FAM83F: variants seen among roughly 807,000 people sequenced by gnomAD.
FAM83F encodes scaffolding CK1 anchoring protein F.
A neutral mutation model predicts 42.9 loss-of-function variants in FAM83F; 45 were observed. The ratio of observed to expected loss-of-function variants is 1.05; its 90% confidence interval spans 0.83 to 1.35. The LOEUF (loss-of-function observed/expected upper bound fraction) is 1.35. Ranked by LOEUF, FAM83F falls within the 40% of genes most tolerant of loss-of-function variation. FAM83F has a pLI of 0.00. For synonymous variants in FAM83F, 306 were observed against 298.3 expected (o/e 1.03, Z -0.27); for missense variants, 617 against 695.9 (o/e 0.89, Z 1.28).
intron 4 of FAM83F, among the ~76,000 whole-genome samples, chr22:40,025,822 T>A (rs1371026459): frequency 6.6e-5 from 10 of 152,126 alleles, no homozygotes; most frequent in Non-Finnish European, 2.9e-5. Context: ...CCAGTGTAGC[T>A]CCCCAGTGCA....
At chr22:40,020,043 G>T in intron 3 of FAM83F, 35 bp downstream of exon 3, 2 of 1,578,742 alleles carry the variant, frequency 1.3e-6, no homozygotes, top group Middle Eastern at 1.7e-4. Flanking sequence ...GGCCCAGGAG[G>T]CCTTGATTCC....
At position 40,021,797 on chromosome 22, in the gene FAM83F, G is replaced by C. The variant is rs777122849; in HGVS notation, c.1287G>C (p.Arg429=). The C allele has an allele frequency of 1.2e-6, 2 of 1,612,654 alleles. No individual in the cohort carries two copies. Among genetic ancestry groups the C allele is most frequent in the East Asian group, 2.2e-5 (1 of 44,850 alleles). The change falls in exon 4 of 5, where the codon CGG becomes CGC. Residue 429 remains arginine (R), a synonymous_variant. Coordinates refer to ENST00000333407, the MANE Select transcript of FAM83F (RefSeq NM_138435.4). The surrounding 1 kb of genome is among the most constrained non-coding windows in gnomAD (Gnocchi z 8.7). ...PSRNGMGEAA[R]GEAAPARRFS... Reference sequence around the variant, plus strand: ...GAAACGGCATGGGAGAAGCGGCCCGGGGGGAGGCCGCCCCCGCCAGGCGCT... The same window carrying C: ...GAAACGGCATGGGAGAAGCGGCCCGCGGGGAGGCCGCCCCCGCCAGGCGCT...
At chr22:40,011,353 T>G (rs1344045183) in intron 1 of FAM83F, among the ~76,000 whole-genome samples, 1 of 151,978 alleles carries the variant, frequency 6.6e-6, no homozygotes. Flanking sequence ...CCCGGCTAAT[T>G]TTTGTATTTT....
At chr22:40,026,041 T>G (rs2067550417) in intron 4 of FAM83F, among the ~76,000 whole-genome samples, 1 of 152,192 alleles carries the variant, frequency 6.6e-6, no homozygotes, top group Non-Finnish European at 1.5e-5. Flanking sequence ...ACTGGCGTCC[T>G]CCTCGCTGCC....
rs902856112 is a variant in FAM83F, at chr22:40,021,677, G to T, written c.1167G>T (p.Glu389Asp). ...VTVEQVLPPV[E>D]PIPLGELSQK... is the part of the protein sequence containing the mutation. ...TGGAGCAGGTGCTGCCCCCCGTGGA[G>T]CCCATCCCCTTGGGAGAGCTGAGCC... Residue 389 changes from glutamate to aspartate, a missense_variant, in exon 4 of 5, where the codon GAG becomes GAT. Transcript: ENST00000333407. The surrounding 1 kb of genome is among the most constrained non-coding windows in gnomAD (Gnocchi z 8.7). 6.2e-7 allele frequency: 1 copy of T among 1,611,970 alleles called. No homozygotes were observed.
intron 1 of FAM83F, among the ~76,000 whole-genome samples, chr22:40,008,068 T>C (rs764334160): frequency 6.6e-6 from 1 of 152,220 alleles, no homozygotes; most frequent in Non-Finnish European, 1.5e-5. Context: ...CCGGTATGGC[T>C]GGGTGAACGG....
At chr22:40,026,269 C>T (rs2067551917) in intron 4 of FAM83F, among the ~76,000 whole-genome samples, 1 of 152,120 alleles carries the variant, frequency 6.6e-6, no homozygotes, top group Non-Finnish European at 1.5e-5. Flanking sequence ...GCCTGTAATC[C>T]CAGCACTTTT....
At chr22:40,005,112 C>T (rs1247166632) in intron 1 of FAM83F, among the ~76,000 whole-genome samples, 1 of 152,190 alleles carries the variant, frequency 6.6e-6, no homozygotes, top group Non-Finnish European at 1.5e-5. Context: ...TGGCAATAGC[C>T]ACAGAGTTAT....
chr22:40,036,364 C>T lies in FAM83F; in HGVS notation c.*6799C>T, dbSNP rs2067623963. ...GTTTCGACAGAAAGGGAGAGAAAAC[C>T]TGCCAGAGATGCCATTTCGGAGCCA... is the stretch of plus-strand genomic sequence containing the variant. On this transcript the variant is annotated 3_prime_UTR_variant, in exon 5 of 5. Coordinates refer to ENST00000333407, the MANE Select transcript of FAM83F (RefSeq NM_138435.4). 1 of 152,214 alleles carries T rather than the reference C, an allele frequency of 6.6e-6. No individual in the cohort carries two copies. The highest frequency in any genetic ancestry group is 1.5e-5 in the Non-Finnish European group (1 of 68,038). 9.4% of individuals were successfully genotyped at this position (152,214 alleles called of 1,614,324 possible).
At chr22:40,007,644 TCTCTCCTCCTCGTTTCCTCTC>T (rs1427427929) in intron 1 of FAM83F, among the ~76,000 whole-genome samples, 1 of 81,684 alleles carries the variant, frequency 1.2e-5, no homozygotes, top group Non-Finnish European at 2.5e-5. Flanking sequence ...CCTCTCCTCT[TCTCTCCTCCTCGTTTCCTCTC>T]CTCTCCTCCT....
At position 40,029,711 on chromosome 22, in the gene FAM83F, C is replaced by T. The variant is rs370980308; in HGVS notation, c.*146C>T. The T allele has an allele frequency of 1.7e-5, 20 of 1,181,016 alleles. No homozygotes were observed. The highest frequency in any genetic ancestry group is 2.6e-4 in the Middle Eastern group (1 of 3,794). The allele number at this position is 1,181,016 out of a possible 1,614,324, so 73.2% of individuals were successfully genotyped here. ...GCAGCCTCCGTCCTGGCCTCAGGGA[C>T]GCTGGATCCCAAATGAGAGGGTCCG... On this transcript the variant is annotated 3_prime_UTR_variant, in exon 5 of 5. Coordinates refer to ENST00000333407, the MANE Select transcript of FAM83F (RefSeq NM_138435.4).
At chr22:40,019,139 G>A in intron 1 of FAM83F, 29 bp from the exon 2 acceptor site, 1 of 1,611,540 alleles carries the variant, frequency 6.2e-7, no homozygotes, top group Non-Finnish European at 8.5e-7. Flanking sequence ...TAGACACCGT[G>A]TGCCTCACCA....
chr22:40,041,705 AG>A lies in FAM83F; in HGVS notation c.*12141del, dbSNP rs2067651052. ...CCACATCCCACTGTTTGTTGGAAGAAGAAACTCATTTGTGGGTCTGTTCATA... is the reference window on the plus strand; with the variant it reads ...CCACATCCCACTGTTTGTTGGAAGAAAAACTCATTTGTGGGTCTGTTCATA... On this transcript the variant is annotated 3_prime_UTR_variant, in exon 5 of 5. Coordinates refer to ENST00000333407, the MANE Select transcript of FAM83F (RefSeq NM_138435.4). 6.6e-6 allele frequency: 1 copy of A among 152,212 alleles called. No homozygotes were observed. Among genetic ancestry groups the A allele is most frequent in the African/African-American group, 2.4e-5 (1 of 41,440 alleles). 9.4% of individuals were successfully genotyped at this position (152,212 alleles called of 1,614,324 possible).
intron 4 of FAM83F, among the ~76,000 whole-genome samples, chr22:40,025,478 C>T (rs988960612): frequency 1.3e-5 from 2 of 152,052 alleles, no homozygotes; most frequent in Admixed American, 6.6e-5. Flanking sequence ...TTGGAGAGGC[C>T]GAGGCAGGTG....
chr22:40,039,795 C>T lies in FAM83F; in HGVS notation c.*10230C>T, dbSNP rs1223723877. ...TTTGGGGAAGCAAAGAAAAGATTCT[C>T]AGAGTAAAACGTATTGGTGAAGCCA... is the stretch of plus-strand genomic sequence containing the variant. On this transcript the variant is annotated 3_prime_UTR_variant, in exon 5 of 5. Transcript: ENST00000333407. 1 of 152,220 alleles carries T rather than the reference C, an allele frequency of 6.6e-6. No homozygotes were observed. Among genetic ancestry groups the T allele is most frequent in the Non-Finnish European group, 1.5e-5 (1 of 68,062 alleles). 9.4% of individuals were successfully genotyped at this position (152,220 alleles called of 1,614,324 possible).
chr22:40,015,881 G>A (rs190931556), intron 1 of FAM83F, among the ~76,000 whole-genome samples: 63 of 152,292 alleles, frequency 4.1e-4, no homozygotes, highest in Non-Finnish European at 5.9e-4. Context: ...TGAAATCAGC[G>A]TTGTAGCTTA....
chr22:40,017,263 T>A (rs2067497573), intron 1 of FAM83F, among the ~76,000 whole-genome samples: 1 of 146,466 alleles, frequency 6.8e-6, no homozygotes, highest in Admixed American at 6.8e-5. Flanking sequence ...AGTCTCGCTC[T>A]TGTCACCCAG....
intron 4 of FAM83F, 72 bp from the exon 5 acceptor site, chr22:40,029,444 G>A: frequency 6.5e-7 from 1 of 1,546,430 alleles, no homozygotes; most frequent in Non-Finnish European, 8.8e-7. Flanking sequence ...AGCACACAGG[G>A]TAGGAACTGA....
chr22:40,011,293 G>A (rs190215134), intron 1 of FAM83F, among the ~76,000 whole-genome samples: 149 of 152,286 alleles, frequency 9.8e-4, no homozygotes, highest in African/African-American at 3.5e-3. Context: ...CCGGGTTCAA[G>A]CCATTCTCCT....
Sources: allele counts gnomAD v4.1 joint callset (sites outside exome capture counted in the v4.1 genomes callset), GRCh38; gene constraint gnomAD v4.1.1; non-coding constraint Gnocchi (gnomAD v3.1); transcripts MANE v1.5; gene names NCBI Gene and HGNC (gene_info 2026-07-23, HGNC 2026-07-21).